Variants in METTL21C observed in about 807,000 individuals in gnomAD.
The protein encoded by METTL21C is methyltransferase 21C, AARS1 lysine.
METTL21C carries 21 observed loss-of-function variants against 25.9 expected under a neutral mutation model. The ratio of observed to expected loss-of-function variants is 0.81; its 90% confidence interval spans 0.58 to 1.17. The LOEUF (loss-of-function observed/expected upper bound fraction) is 1.17. Among genes scored for constraint, METTL21C ranks in the 50% most tolerant of loss-of-function variants. The probability of loss-of-function intolerance (pLI) is 0.00; values close to 1 mark genes in which losing one functional copy is unlikely to be tolerated. For missense variants in METTL21C, 312 were observed against 315.1 expected, an observed-to-expected ratio of 0.99 and a Z score of 0.07; for synonymous variants, 125 against 124.7, an observed-to-expected ratio of 1.00 and a Z score of -0.01.
Position 102,686,394 on chromosome 13 carries a change from A to G in METTL21C, c.432T>C (p.Asp144=). Residue 144 remains aspartate, a synonymous_variant, in exon 4 of 4, where the codon GAT becomes GAC. Coordinates refer to ENST00000267273, the MANE Select transcript of METTL21C (RefSeq NM_001010977.3). ...GATTGTATTGAAGGTTTCCCAGGAC[A>G]TCAGGCAAATCTGTTGCTGTGACTT... The part of the protein sequence containing the change: ...GAQVTATDLP[D]VLGNLQYNLL... 1 of 1,613,264 alleles carries G rather than the reference A, an allele frequency of 6.2e-7. No homozygotes were observed. Among genetic ancestry groups the G allele is most frequent in the Non-Finnish European group, 8.5e-7 (1 of 1,179,540 alleles).
At chr13:102,688,028 G>A (rs1025197553) in intron 2 of METTL21C, among the ~76,000 whole-genome samples, 4 of 152,150 alleles carry the variant, frequency 2.6e-5, no homozygotes, top group African/African-American at 9.7e-5. Context: ...ATGACAAAAA[G>A]TTACTTAAAT....
chr13:102,697,175 G>C (rs1400471391), upstream of METTL21C, among the ~76,000 whole-genome samples: 1 of 152,118 alleles, frequency 6.6e-6, no homozygotes, highest in East Asian at 1.9e-4. Flanking sequence ...TGGATCAAAG[G>C]CTCAATAAGG....
upstream of METTL21C, among the ~76,000 whole-genome samples, chr13:102,695,150 C>T (rs918453936): frequency 6.6e-6 from 1 of 152,056 alleles, no homozygotes; most frequent in African/African-American, 2.4e-5. Flanking sequence ...AGGACATGCC[C>T]ACCCAGCCTC....
upstream of METTL21C, among the ~76,000 whole-genome samples, chr13:102,699,614 G>C (rs1886000910): frequency 6.6e-6 from 1 of 152,162 alleles, no homozygotes; most frequent in Non-Finnish European, 1.5e-5. Context: ...GGTTTCATTG[G>C]AGACACAGAC....
intron 2 of METTL21C, among the ~76,000 whole-genome samples, chr13:102,689,902 T>C (rs1885781754): frequency 6.6e-6 from 1 of 152,234 alleles, no homozygotes; most frequent in African/African-American, 2.4e-5. Flanking sequence ...AGGAGCACTG[T>C]AGACATTACG....
intron 1 of METTL21C, among the ~76,000 whole-genome samples, chr13:102,692,742 T>G (rs1384052422): frequency 6.6e-6 from 1 of 152,178 alleles, no homozygotes; most frequent in Non-Finnish European, 1.5e-5. Flanking sequence ...GGGACCTCAG[T>G]GAACTTGCAA....
intron 1 of METTL21C, among the ~76,000 whole-genome samples, chr13:102,692,863 C>G (rs1161066120): frequency 6.6e-6 from 1 of 152,070 alleles, no homozygotes; most frequent in Non-Finnish European, 1.5e-5. Context: ...AGCCCTGTAG[C>G]TTTCCCCACC....
In METTL21C at chr13:102,686,066, C is replaced by G; in HGVS notation, c.760G>C (p.Val254Leu). Residue 254 changes from valine (V) to leucine (L), a missense_variant, in exon 4 of 4, where the codon GTC (valine) becomes CTC (leucine). Val to Leu is a conservative substitution (Grantham distance 32). Transcript: ENST00000267273. ...TLLAEYPESS[V>L]KLFKGILKWD ...TTTAGTATCCCCTTAAAAAGTTTGA[C>G]TGATGACTCTGGATATTCAGCCAAC... is the stretch of plus-strand genomic sequence containing the variant. 6.3e-7 allele frequency: 1 copy of G among 1,596,446 alleles called. No individual in the cohort carries two copies. The highest frequency in any genetic ancestry group is 2.2e-5 in the East Asian group (1 of 44,580).
chr13:102,691,050 T>G, intron 1 of METTL21C, 86 bp from the exon 2 acceptor site: 1 of 1,436,736 alleles, frequency 7.0e-7, no homozygotes. Flanking sequence ...AAGATGGCAT[T>G]AGATTGAATG....
chr13:102,691,645 G>C (rs1410765543), intron 1 of METTL21C, among the ~76,000 whole-genome samples: 1 of 152,208 alleles, frequency 6.6e-6, no homozygotes. Flanking sequence ...ACCACGCCCC[G>C]CCAGACCTGC....
At chr13:102,696,457 A>G (rs1448329536), upstream of METTL21C, among the ~76,000 whole-genome samples, 1 of 152,178 alleles carries the variant, frequency 6.6e-6, no homozygotes, top group Non-Finnish European at 1.5e-5. Context: ...TGGCACGTGT[A>G]TACCTATGTA....
chr13:102,700,248 T>C, the METTL21C span, among the ~76,000 whole-genome samples: 2 of 152,234 alleles, frequency 1.3e-5, no homozygotes, highest in Non-Finnish European at 2.9e-5. Context: ...CTGCAGGGGA[T>C]GGCCTGGCTG....
chr13:102,698,650 T>A (rs997380098), upstream of METTL21C, among the ~76,000 whole-genome samples: 8 of 151,884 alleles, frequency 5.3e-5, no homozygotes, highest in African/African-American at 1.9e-4. Context: ...ATGACCCCAA[T>A]TTTCCAGCCC....
In METTL21C at chr13:102,686,227, T is replaced by TA. The variant is rs939237414; in HGVS notation, c.598dup (p.Tyr200LeufsTer33). The TA allele has an allele frequency of 1.2e-6, 2 of 1,614,050 alleles. No individual in the cohort carries two copies. Among genetic ancestry groups the TA allele is most frequent in the African/African-American group, 2.7e-5 (2 of 74,910 alleles). ...GGTGGTGAGCAGCTTGTCCAGGAAG[T>TA]AGTGATGGTAGACCACATCTGAGGC... On this transcript the variant is annotated frameshift_variant, in exon 4 of 4. Transcript: ENST00000267273. LOFTEE classifies it high-confidence loss of function.
At chr13:102,699,455 G>C (rs1313143261), upstream of METTL21C, among the ~76,000 whole-genome samples, 1 of 152,042 alleles carries the variant, frequency 6.6e-6, no homozygotes, top group Non-Finnish European at 1.5e-5. Flanking sequence ...TCCCATCCCA[G>C]AATATGAATA....
rs761207634 is a variant in METTL21C, at chr13:102,694,551, G to A, written c.-53C>T. The A allele has an allele frequency of 6.5e-5, 9 of 139,348 alleles. 1 individual carries two copies. The highest frequency in any genetic ancestry group is 7.4e-4 in the Admixed American group (1 of 1,352). The allele number at this position is 139,348 out of a possible 1,614,324, so 8.6% of individuals were successfully genotyped here. A position where few individuals can be genotyped will look rare whatever the true frequency, so the allele number is the denominator to read the frequency against. On this transcript the variant is annotated 5_prime_UTR_variant, in exon 1 of 4. Transcript: ENST00000267273. ...ATTGAAAAGCAATCTACAAAAGAAC[G>A]ACTATAATCTACTGACTGACTGTTA...
upstream of METTL21C, among the ~76,000 whole-genome samples, chr13:102,697,544 T>A (rs573870878): frequency 6.6e-6 from 1 of 152,288 alleles, no homozygotes; most frequent in East Asian, 1.9e-4. Context: ...AGGTGTCTAC[T>A]GACTGAGTGA....
Position 102,690,796 on chromosome 13 carries a change from T to A in METTL21C, c.282+17A>T. The A allele has an allele frequency of 6.2e-7, 1 of 1,611,260 alleles. No homozygotes were observed. Among genetic ancestry groups the A allele is most frequent in the Non-Finnish European group, 8.5e-7 (1 of 1,179,050 alleles). On this transcript the variant is annotated intron_variant, in intron 2 of 3. Transcript: ENST00000267273. The stretch of plus-strand genomic sequence containing the variant: ...TCTCCAGAAATCCTGACATCACAAA[T>A]ATGACAGTTCTCTCACCCCTGGCCA...
At chr13:102,702,406 A>C in the METTL21C span, among the ~76,000 whole-genome samples, 113 of 152,284 alleles carry the variant, frequency 7.4e-4, no homozygotes, top group South Asian at 1.9e-3. Flanking sequence ...AGAAGTCTGG[A>C]CAGTATGATA....
Sources: gnomAD v4.1 joint callset for allele counts (sites outside exome capture counted in the v4.1 genomes callset) on GRCh38, gnomAD v4.1.1 for gene constraint, MANE v1.5 for transcripts, NCBI Gene and HGNC (gene_info 2026-07-23, HGNC 2026-07-21) for gene names.